Variants in FRA10AC1 observed in about 807,000 individuals in gnomAD.
FRA10AC1 encodes the protein protein FRA10AC1.
Under a neutral mutation model 56.5 loss-of-function variants are expected in FRA10AC1, and 43 were observed. The observed-to-expected ratio is 0.76, with a 90% confidence interval of 0.60 to 0.98. FRA10AC1 has a LOEUF of 0.98. Ranked by LOEUF, FRA10AC1 falls within the 50% of genes least tolerant of loss-of-function variation. The pLI, the probability that FRA10AC1 is intolerant of heterozygous loss-of-function variation, is 0.00. For missense variants in FRA10AC1, 346 were observed against 351.8 expected (o/e 0.98, Z 0.13); for synonymous variants, 112 against 110.5 (o/e 1.01, Z -0.09).
intron 12 of FRA10AC1, chr10:93,675,045 A>G (rs1215994372): frequency 6.6e-6 from 1 of 152,204 alleles, no homozygotes; most frequent in African/African-American, 2.4e-5. Context: ...CTCCTGATAA[A>G]TTAGAATTTA....
chr10:93,696,500 T>G (rs571351234), intron 4 of FRA10AC1, among the ~76,000 whole-genome samples: 2 of 152,334 alleles, frequency 1.3e-5, no homozygotes, highest in South Asian at 4.1e-4. Flanking sequence ...TTTTACACTG[T>G]TGGTGGGAAT....
chr10:93,695,899 T>C (rs940625284), intron 4 of FRA10AC1, among the ~76,000 whole-genome samples: 2 of 121,792 alleles, frequency 1.6e-5, no homozygotes, highest in African/African-American at 8.0e-5. Flanking sequence ...TATTTCAGGC[T>C]TTGCAAGCCA....
intron 5 of FRA10AC1, among the ~76,000 whole-genome samples, chr10:93,693,797 C>T (rs577461967): frequency 6.6e-6 from 1 of 150,798 alleles, no homozygotes; most frequent in Admixed American, 6.6e-5. Context: ...AGCTGGAGGC[C>T]ATTATTCTAA....
In FRA10AC1 at chr10:93,693,558, A is replaced by G. The variant is rs866037355; in HGVS notation, c.297-829T>C. 7.7e-4 allele frequency among the ~76,000 whole-genome samples: 110 copies of G among 143,096 alleles called. 4 individuals carry two copies. The highest frequency in any genetic ancestry group is 7.1e-3 in the Middle Eastern group (2 of 280). 93.9% of individuals were successfully genotyped at this position (143,096 alleles called of 152,430 possible). A position where few individuals can be genotyped will look rare whatever the true frequency, so the allele number is the denominator to read the frequency against. On this transcript the variant is annotated intron_variant, in intron 5 of 13. Coordinates refer to ENST00000359204, the MANE Select transcript of FRA10AC1 (RefSeq NM_145246.5). ...TATATATATATATATACACACATAC[A>G]TACACCATATATATATACACACCAT... is the stretch of plus-strand genomic sequence containing the variant.
chr10:93,692,768 AAGT>A (rs1396580545), intron 5 of FRA10AC1, 39 bp from the exon 6 acceptor site: 43 of 1,386,430 alleles, frequency 3.1e-5, no homozygotes, highest in Non-Finnish European at 4.0e-5. Flanking sequence ...ACAAAAACAA[AAGT>A]AGTCAAATTT....
intron 2 of FRA10AC1, among the ~76,000 whole-genome samples, chr10:93,698,918 A>AT (rs1340316175): frequency 6.6e-6 from 1 of 152,150 alleles, no homozygotes; most frequent in Non-Finnish European, 1.5e-5. Flanking sequence ...ACTTTTTCAC[A>AT]TTTTTTTAAA....
At chr10:93,672,026 T>C (rs1252422329) in intron 12 of FRA10AC1, 1 of 444,200 alleles carries the variant, frequency 2.3e-6, no homozygotes, top group Admixed American at 2.5e-5. Context: ...TATCAGACAA[T>C]AACACTATAA....
rs139102042 is a variant in FRA10AC1 at position 93,673,122 on chromosome 10, C to T, written c.827-2274G>A. 2.1e-3 allele frequency: 651 copies of T among 311,328 alleles called. 4 individuals carry two copies. Among genetic ancestry groups the T allele is most frequent in the African/African-American group, 0.014 (612 of 44,756 alleles). 19.3% of individuals were successfully genotyped at this position (311,328 alleles called of 1,614,324 possible). Reference sequence around the variant, plus strand: ...CCAATCCAGTCCATGCTGGAACACTCGCTACTCCAGAGGCAGCCCATTTCT... The same window carrying T: ...CCAATCCAGTCCATGCTGGAACACTTGCTACTCCAGAGGCAGCCCATTTCT... On this transcript the variant is annotated intron_variant, in intron 12 of 13. Transcript: ENST00000359204.
At chr10:93,687,686 T>C in intron 7 of FRA10AC1, 1 of 325,126 alleles carries the variant, frequency 3.1e-6, no homozygotes, top group Non-Finnish European at 5.6e-6. Context: ...ACAAGATACC[T>C]AAGTTAACAA....
At chr10:93,683,597 C>T (rs1424096500) in intron 10 of FRA10AC1, among the ~76,000 whole-genome samples, 2 of 152,092 alleles carry the variant, frequency 1.3e-5, no homozygotes, top group Non-Finnish European at 2.9e-5. Flanking sequence ...GTGATCCACC[C>T]AAACTGGCCT....
Position 93,681,899 on chromosome 10 carries a change from C to T in FRA10AC1, c.669-301G>A, listed in dbSNP as rs1324237231. 2.6e-5 allele frequency among the ~76,000 whole-genome samples: 4 copies of T among 151,972 alleles called. No homozygotes were observed. The East Asian group carries it at 7.7e-4, about 29-fold the overall frequency. ...GTTTCTTTCTTTCTATATTCTATCACTTAGCCATTTAAAACTAAATTACAA... is the reference window on the plus strand; with the variant it reads ...GTTTCTTTCTTTCTATATTCTATCATTTAGCCATTTAAAACTAAATTACAA... On this transcript the variant is annotated intron_variant, in intron 10 of 13. Transcript: ENST00000359204.
At position 93,702,564 on chromosome 10, in the gene FRA10AC1, C is replaced by G; in HGVS notation, c.-190G>C. ...CGCCGCCGCCCGCAACCCGCCTCTC[C>G]CTACGGGTCCCGACTGGGCACCACT... On this transcript the variant is annotated 5_prime_UTR_variant, in exon 1 of 14. Coordinates refer to ENST00000359204, the MANE Select transcript of FRA10AC1 (RefSeq NM_145246.5). 8.9e-6 allele frequency: 2 copies of G among 223,942 alleles called. 1 individual carries two copies. The allele number at this position is 223,942 out of a possible 1,614,324, so 13.9% of individuals were successfully genotyped here.
At chr10:93,676,937 A>C (rs1320586370) in intron 11 of FRA10AC1, among the ~76,000 whole-genome samples, 1 of 152,220 alleles carries the variant, frequency 6.6e-6, no homozygotes. Flanking sequence ...ACAAAAAATA[A>C]TGAATACCTG....
intron 4 of FRA10AC1, among the ~76,000 whole-genome samples, chr10:93,697,532 T>C (rs1412435538): frequency 6.6e-6 from 1 of 152,196 alleles, no homozygotes; most frequent in East Asian, 1.9e-4. Flanking sequence ...AACAGCAGTA[T>C]GGATGGCCAG....
Position 93,669,818 on chromosome 10 carries a change from C to G in FRA10AC1, c.*8G>C. 1 of 1,559,846 alleles carries G rather than the reference C, an allele frequency of 6.4e-7. No homozygotes were observed. The highest frequency in any genetic ancestry group is 8.8e-7 in the Non-Finnish European group (1 of 1,142,836). On this transcript the variant is annotated 3_prime_UTR_variant, in exon 14 of 14. Coordinates refer to ENST00000359204, the MANE Select transcript of FRA10AC1 (RefSeq NM_145246.5). ...CACATTAAGGAGCGGAGGCTTCTCTCTCTCGTCTCATAGAAACAAATCCTG... is the reference window on the plus strand; with the variant it reads ...CACATTAAGGAGCGGAGGCTTCTCTGTCTCGTCTCATAGAAACAAATCCTG...
chr10:93,689,748 A>C (rs2059094670), intron 7 of FRA10AC1, among the ~76,000 whole-genome samples: 1 of 152,204 alleles, frequency 6.6e-6, no homozygotes, highest in African/African-American at 2.4e-5. Flanking sequence ...TAAATGTCCT[A>C]GTTTGGATTA....
In FRA10AC1 at chr10:93,692,093, C is replaced by T; in HGVS notation, c.381G>A (p.Trp127Ter). 1 of 1,492,730 alleles carries T rather than the reference C, an allele frequency of 6.7e-7. No homozygotes were observed. The highest frequency in any genetic ancestry group is 8.9e-7 in the Non-Finnish European group (1 of 1,126,362). 92.5% of individuals were successfully genotyped at this position (1,492,730 alleles called of 1,614,324 possible). A position where few individuals can be genotyped will look rare whatever the true frequency, so the allele number is the denominator to read the frequency against. Reference sequence around the variant, plus strand: ...AGTATTTCTTAGCAAGTCTCTTCTCCCTAGACCCATGAAAATATAAATATT... The same window carrying T: ...AGTATTTCTTAGCAAGTCTCTTCTCTCTAGACCCATGAAAATATAAATATT... ...WNEEDEMDMT[W>*]EKRLAKKYYD... is the part of the protein sequence containing the mutation. The change falls in exon 7 of 14, where the codon TGG becomes TGA. Residue 127 changes from tryptophan (W) to a stop codon, truncating the protein, a stop_gained and splice_region_variant. Coordinates refer to ENST00000359204, the MANE Select transcript of FRA10AC1 (RefSeq NM_145246.5). LOFTEE classifies it high-confidence loss of function.
At position 93,687,300 on chromosome 10, in the gene FRA10AC1, CT is replaced by C. The variant is rs2059046450; in HGVS notation, c.511+103del. ...ACCTTCTCTAATTTTACTTTTGTAG[CT>C]AATAATTTCTTGTATATGTTAGGAA... On this transcript the variant is annotated intron_variant, in intron 8 of 13. Transcript: ENST00000359204. 9.0e-6 allele frequency: 8 copies of C among 890,068 alleles called. No individual in the cohort carries two copies. In the South Asian group the frequency reaches 1.3e-4, roughly 14 times the overall value. 55.1% of individuals were successfully genotyped at this position (890,068 alleles called of 1,614,324 possible). A position where few individuals can be genotyped will look rare whatever the true frequency, so the allele number is the denominator to read the frequency against.
chr10:93,677,716 A>G (rs935247335), intron 11 of FRA10AC1, among the ~76,000 whole-genome samples: 4 of 152,210 alleles, frequency 2.6e-5, no homozygotes, highest in Admixed American at 2.0e-4. Context: ...CATAATATAC[A>G]ACAGTGCCTC....
Sources: gnomAD v4.1 joint callset for allele counts (sites outside exome capture counted in the v4.1 genomes callset) on GRCh38, gnomAD v4.1.1 for gene constraint, MANE v1.5 for transcripts, NCBI Gene and HGNC (gene_info 2026-07-23, HGNC 2026-07-21) for gene names.